Variants in IFT140 observed in about 807,000 individuals in gnomAD.
IFT140 encodes the protein intraflagellar transport 140.
Under a neutral mutation model 164.6 loss-of-function variants are expected in IFT140, and 133 were observed. The observed-to-expected ratio is 0.81, with a 90% CI of 0.70 to 0.93. The LOEUF is 0.93. Ranked by LOEUF, IFT140 falls within the 40% of genes least tolerant of loss-of-function variation. The pLI is 0.00. For missense variants in IFT140, 2,045 were observed against 1,972.3 expected (o/e 1.04, Z -0.70); for synonymous variants, 860 against 817.3 (o/e 1.05, Z -0.89).
In IFT140 at chr16:1,518,306, C is replaced by T; in HGVS notation, c.4092G>A (p.Leu1364=). The T allele has an allele frequency of 6.2e-7, 1 of 1,614,100 alleles. No individual in the cohort carries two copies. Among genetic ancestry groups the T allele is most frequent in the Non-Finnish European group, 8.5e-7 (1 of 1,180,004 alleles). ...TGGTGCTGTCCAGGTCTGGTTCCTC[C>T]AGGAGCAGCTCACACTGCTTGATGG... ...KESIKQCELL[L]EEPDLDSTIR... The change falls in exon 30 of 31, where the codon CTG becomes CTA. Residue 1364 remains leucine, a synonymous_variant. Coordinates refer to ENST00000426508, the MANE Select transcript of IFT140 (RefSeq NM_014714.4).
In IFT140 at chr16:1,607,035, T is replaced by C. The variant is rs11861507; in HGVS notation, c.147+85A>G. 1.2e-4 allele frequency: 146 copies of C among 1,183,638 alleles called. No homozygotes were observed. Among genetic ancestry groups the C allele is most frequent in the Non-Finnish European group, 1.5e-4 (129 of 845,310 alleles). The allele number at this position is 1,183,638 out of a possible 1,614,324, so 73.3% of individuals were successfully genotyped here. On this transcript the variant is annotated intron_variant, in intron 3 of 30. Coordinates refer to ENST00000426508, the MANE Select transcript of IFT140 (RefSeq NM_014714.4). Reference sequence around the variant, plus strand: ...ACACACCCATAGGCACACACACACATGTGCACACACACAAGGACAACAGCA... The same window carrying C: ...ACACACCCATAGGCACACACACACACGTGCACACACACAAGGACAACAGCA...
In IFT140 at chr16:1,523,600, G is replaced by A. The variant is rs867516618; in HGVS notation, c.3371C>T (p.Ala1124Val). Reference protein sequence around the residue: ...AEDLDETSDPALLARCSDFFI... With the variant: ...AEDLDETSDPVLLARCSDFFI... ...GAAGTCGGAGCAGCGGGCCAGGAGC[G>A]CAGGGTCTGACGTCTCATCCAGGTC... Residue 1124 changes from alanine (A) to valine (V), a missense_variant, in exon 26 of 31, where the codon GCG becomes GTG. Transcript: ENST00000426508. 8.7e-6 allele frequency: 14 copies of A among 1,613,758 alleles called. No homozygotes were observed. The highest frequency in any genetic ancestry group is 2.2e-5 in the East Asian group (1 of 44,890).
intron 12 of IFT140, among the ~76,000 whole-genome samples, chr16:1,582,701 C>T (rs1490957871): frequency 6.6e-6 from 1 of 152,224 alleles, no homozygotes; most frequent in African/African-American, 2.4e-5. Flanking sequence ...GTCAGGAGTT[C>T]GAGACCAGCC....
intron 19 of IFT140, among the ~76,000 whole-genome samples, chr16:1,554,307 T>G (rs541592183): frequency 6.6e-6 from 1 of 152,322 alleles, no homozygotes; most frequent in African/African-American, 2.4e-5. Context: ...AGATAAGACT[T>G]AGAAAAGTCT....
Position 1,525,906 on chromosome 16 carries a change from A to T in IFT140, c.2749T>A (p.Cys917Ser). 1.3e-6 allele frequency: 2 copies of T among 1,553,720 alleles called. No homozygotes were observed. The highest frequency in any genetic ancestry group is 1.7e-6 in the Non-Finnish European group (2 of 1,150,704). ...YAGHLEASAD[C>S]SRALSYYEKS... ...ACTCACTAACTGAGGGCCCGGCTGC[A>T]GTCGGCGCTGGCCTCCAGGTGCCCG... is the stretch of plus-strand genomic sequence containing the variant. Residue 917 changes from cysteine (C) to serine (S), a missense_variant, in exon 21 of 31, where the codon TGC becomes AGC. Physicochemically the swap from Cys to Ser is moderately radical, Grantham distance 112. Coordinates refer to ENST00000426508, the MANE Select transcript of IFT140 (RefSeq NM_014714.4).
intron 6 of IFT140, among the ~76,000 whole-genome samples, chr16:1,591,687 C>A (rs2141905160): frequency 6.6e-6 from 1 of 152,308 alleles, no homozygotes; most frequent in East Asian, 1.9e-4. Context: ...ACGGGCTGAA[C>A]ACCAGCCACA....
rs559936038 is a variant in IFT140, at chr16:1,602,282, C to T, written c.369+88G>A. 21 of 1,157,338 alleles carry T rather than the reference C, an allele frequency of 1.8e-5. No homozygotes were observed. In the African/African-American group the frequency reaches 2.3e-4, roughly 13 times the overall value. 71.7% of individuals were successfully genotyped at this position (1,157,338 alleles called of 1,614,324 possible). A position where few individuals can be genotyped will look rare whatever the true frequency, so the allele number is the denominator to read the frequency against. On this transcript the variant is annotated intron_variant, in intron 4 of 30. Transcript: ENST00000426508. The stretch of plus-strand genomic sequence containing the variant: ...AGATCAACTGAATTTGGCAACAGCA[C>T]GGTTCCCATATTTTGATCTTTCATA...
At position 1,553,839 on chromosome 16, in the gene IFT140, G is replaced by T; in HGVS notation, c.2399+4096C>A. 1 of 1,213,890 alleles carries T rather than the reference G, an allele frequency of 8.2e-7. No homozygotes were observed. Among genetic ancestry groups the T allele is most frequent in the Non-Finnish European group, 1.0e-6 (1 of 952,654 alleles). 75.2% of individuals were successfully genotyped at this position (1,213,890 alleles called of 1,614,324 possible). A position where few individuals can be genotyped will look rare whatever the true frequency, so the allele number is the denominator to read the frequency against. On this transcript the variant is annotated intron_variant, in intron 19 of 30. Coordinates refer to ENST00000426508, the MANE Select transcript of IFT140 (RefSeq NM_014714.4). The surrounding 1 kb of genome is among the most constrained non-coding windows in gnomAD (Gnocchi z 4.4). Reference sequence around the variant, plus strand: ...TAGGACGCCCGGCTCCATCGCTGCGGCCACAGTGTCCTGTTATCCTAGTTG... The same window carrying T: ...TAGGACGCCCGGCTCCATCGCTGCGTCCACAGTGTCCTGTTATCCTAGTTG...
At chr16:1,525,585 G>A (rs148583796) in intron 21 of IFT140, among the ~76,000 whole-genome samples, 3 of 152,334 alleles carry the variant, frequency 2.0e-5, no homozygotes, top group Non-Finnish European at 2.9e-5. Context: ...TCTGGAGAGG[G>A]TGACATGGGG....
In IFT140 at chr16:1,525,279, G is replaced by A. The variant is rs575485883; in HGVS notation, c.2816C>T (p.Ser939Leu). The change falls in exon 22 of 31, where the codon TCG (serine) becomes TTG (leucine). Residue 939 changes from serine to leucine, a missense_variant. Coordinates refer to ENST00000426508, the MANE Select transcript of IFT140 (RefSeq NM_014714.4). ...THRFEVPRML[S>L]EDLPSLELYV... is the part of the protein sequence containing the mutation. ...GAGCTCCAGGGACGGCAGGTCCTCC[G>A]ACAGCATCCTGGGCACCTCGAAGCG... The A allele has an allele frequency of 5.6e-5, 91 of 1,612,934 alleles. No homozygotes were observed. The South Asian group carries it at 7.8e-4, about 14-fold the overall frequency.
At chr16:1,608,533 TAA>T (rs2036186329) in intron 2 of IFT140, among the ~76,000 whole-genome samples, 1 of 144,806 alleles carries the variant, frequency 6.9e-6, no homozygotes, top group Non-Finnish European at 1.5e-5. Flanking sequence ...CTCCGGAGCC[TAA>T]GACAGGAGAA....
Position 1,524,658 on chromosome 16 carries a change from G to T in IFT140, c.3035C>A (p.Ala1012Asp). Residue 1012 changes from alanine (A) to aspartate (D), a missense_variant, in exon 24 of 31, where the codon GCC (alanine) becomes GAC (aspartate). By Grantham distance (126) the Ala-to-Asp change is moderately radical. Transcript: ENST00000426508. ...QIANETGNLA[A>D]SYHLARQYES... ...GTACTGGCGGGCGAGGTGGTAGGAG[G>T]CCGCCAGGTTTCCTGTCTCGTTGGC... 1 of 1,580,548 alleles carries T rather than the reference G, an allele frequency of 6.3e-7. No individual in the cohort carries two copies. Among genetic ancestry groups the T allele is most frequent in the Non-Finnish European group, 8.6e-7 (1 of 1,158,620 alleles).
At position 1,584,365 on chromosome 16, in the gene IFT140, A is replaced by G. The variant is rs1030229587; in HGVS notation, c.1211T>C (p.Leu404Pro). 6.2e-7 allele frequency: 1 copy of G among 1,613,236 alleles called. No homozygotes were observed. The highest frequency in any genetic ancestry group is 2.2e-5 in the East Asian group (1 of 44,878). The change falls in exon 11 of 31, where the codon CTC becomes CCC. Residue 404 changes from leucine (L) to proline (P), a missense_variant. Leu to Pro is a moderately conservative substitution (Grantham distance 98, BLOSUM62 -3). Transcript: ENST00000426508. Reference protein sequence around the residue: ...AVNSVISVAILSERAMSSHFH... With the variant: ...AVNSVISVAIPSERAMSSHFH... ...GTGTGACGACATGGCCCGCTCGCTG[A>G]GGATGGCCACGGAGATGACGCTGTT...
intron 26 of IFT140, among the ~76,000 whole-genome samples, chr16:1,522,497 T>G (rs1220412436): frequency 6.6e-6 from 1 of 152,100 alleles, no homozygotes; most frequent in African/African-American, 2.4e-5. Context: ...ATCGCCCCAT[T>G]GCACTATAGC....
In IFT140 at chr16:1,583,385, T is replaced by G. The variant is rs376263938; in HGVS notation, c.1361A>C (p.Asp454Ala). ...CCTTCCGTTCCAGACTGCGACAGCA[T>G]CCTGAAAAGAACCACGGACATTCGA... ...MHISGVFATKDAVAVWNGRQV... is the reference protein window; with the variant it reads ...MHISGVFATKAAVAVWNGRQV... Residue 454 changes from aspartate to alanine, a missense_variant and splice_region_variant, in exon 12 of 31, where the codon GAT (aspartate) becomes GCT (alanine). Asp to Ala is a moderately radical substitution (Grantham distance 126). Coordinates refer to ENST00000426508, the MANE Select transcript of IFT140 (RefSeq NM_014714.4). 6 of 1,613,976 alleles carry G rather than the reference T, an allele frequency of 3.7e-6. No individual in the cohort carries two copies. Among genetic ancestry groups the G allele is most frequent in the Non-Finnish European group, 5.1e-6 (6 of 1,179,946 alleles).
intron 13 of IFT140, chr16:1,578,380 T>C (rs2034382607): frequency 1.3e-5 from 2 of 151,992 alleles, no homozygotes; most frequent in Admixed American, 6.6e-5. Context: ...ATCACAACGA[T>C]AGCTAAAATC....
chr16:1,518,272 C>T lies in IFT140; in HGVS notation c.4126G>A (p.Gly1376Arg), dbSNP rs149679045. 2.1e-5 allele frequency: 34 copies of T among 1,614,024 alleles called. No homozygotes were observed. The highest frequency in any genetic ancestry group is 2.5e-5 in the Non-Finnish European group (30 of 1,180,040). ...TCCACCAGGAAGCCATAGACGTCCC[C>T]GATGCGGATGGTGCTGTCCAGGTCT... ...EPDLDSTIRIGDVYGFLVEHY... is the reference protein window; with the variant it reads ...EPDLDSTIRIRDVYGFLVEHY... The change falls in exon 30 of 31, where the codon GGG (glycine) becomes AGG (arginine). Residue 1376 changes from glycine to arginine, a missense_variant. By Grantham distance (125) the Gly-to-Arg change is moderately radical. Coordinates refer to ENST00000426508, the MANE Select transcript of IFT140 (RefSeq NM_014714.4).
intron 4 of IFT140, among the ~76,000 whole-genome samples, chr16:1,598,286 G>A (rs182427173): frequency 1.2e-4 from 18 of 152,190 alleles, no homozygotes; most frequent in Middle Eastern, 3.4e-3. Flanking sequence ...GTGAAACCCC[G>A]TCTTTACTAA....
Position 1,592,362 on chromosome 16 carries a change from T to C in IFT140, c.492-44A>G, listed in dbSNP as rs369114107. On this transcript the variant is annotated intron_variant, in intron 5 of 30. Transcript: ENST00000426508. ...CGAAGCAAGATTCTTCTGCCACTCC[T>C]ACAGCACCTCAGGGCTGGGGCCCCT... 2.0e-5 allele frequency: 32 copies of C among 1,613,408 alleles called. No homozygotes were observed. In the African/African-American group the frequency reaches 4.3e-4, roughly 22 times the overall value.
Sources: allele counts gnomAD v4.1 joint callset (sites outside exome capture counted in the v4.1 genomes callset), GRCh38; gene constraint gnomAD v4.1.1; non-coding constraint Gnocchi (gnomAD v3.1); transcripts MANE v1.5; gene names NCBI Gene and HGNC (gene_info 2026-07-23, HGNC 2026-07-21).